Variants in SUPT20H observed in about 807,000 individuals in gnomAD.
The protein encoded by SUPT20H is transcription factor SPT20 homolog.
SUPT20H carries 82 observed loss-of-function variants against 122.8 expected under a neutral mutation model. The ratio of observed to expected loss-of-function variants is 0.67; its 90% CI spans 0.56 to 0.80. The LOEUF (loss-of-function observed/expected upper bound fraction) is 0.80. Ranked by LOEUF, SUPT20H falls within the 30% of genes least tolerant of loss-of-function variation. The pLI is 0.00. For missense variants in SUPT20H, 831 were observed against 921.6 expected, an observed-to-expected ratio of 0.90 and a Z score of 1.27; for synonymous variants, 291 against 313.0, an observed-to-expected ratio of 0.93 and a Z score of 0.74.
At chr13:37,033,169 AAT>A (rs1409773679) in intron 10 of SUPT20H, among the ~76,000 whole-genome samples, 1 of 151,522 alleles carries the variant, frequency 6.6e-6, no homozygotes, top group Non-Finnish European at 1.5e-5. Flanking sequence ...AAAAATATAT[AAT>A]ATGAGACCAT....
intron 21 of SUPT20H, among the ~76,000 whole-genome samples, chr13:37,020,616 C>G (rs1425631521): frequency 6.6e-6 from 1 of 152,124 alleles, no homozygotes; most frequent in African/African-American, 2.4e-5. Context: ...CACACTTATG[C>G]TTATTAAAAT....
chr13:37,049,711 T>C (rs890510723), intron 2 of SUPT20H, among the ~76,000 whole-genome samples: 5 of 152,060 alleles, frequency 3.3e-5, no homozygotes, highest in African/African-American at 1.2e-4. Flanking sequence ...TGTACTACAG[T>C]CTGGGCAAAA....
chr13:37,011,842 T>C (rs1453164266), intron 24 of SUPT20H, among the ~76,000 whole-genome samples: 1 of 152,190 alleles, frequency 6.6e-6, no homozygotes, highest in East Asian at 1.9e-4. Flanking sequence ...TTATGCAATC[T>C]AGAAAAATTC....
chr13:37,040,520 T>C, intron 8 of SUPT20H, 56 bp downstream of exon 8: 1 of 1,589,188 alleles, frequency 6.3e-7, no homozygotes. Flanking sequence ...AAGAATTCGA[T>C]AAATAAAACT....
At chr13:37,025,297 G>A (rs1345227856) in intron 17 of SUPT20H, 23 bp downstream of exon 17, 1 of 1,537,878 alleles carries the variant, frequency 6.5e-7, no homozygotes, top group Non-Finnish European at 9.0e-7. Flanking sequence ...TGGGCACAAA[G>A]AAGTAACATT....
chr13:37,024,265 G>A (rs1281631967), intron 18 of SUPT20H, 72 bp from the exon 19 acceptor site: 4 of 1,524,216 alleles, frequency 2.6e-6, no homozygotes, highest in African/African-American at 2.8e-5. Flanking sequence ...TCAAAATGGG[G>A]CAAAGTTTTA....
chr13:37,035,559 C>T (rs1219132039), intron 9 of SUPT20H, among the ~76,000 whole-genome samples: 1 of 150,460 alleles, frequency 6.6e-6, no homozygotes, highest in Non-Finnish European at 1.5e-5. Flanking sequence ...CTCCCTCTGT[C>T]GCCCAGGCTA....
At position 37,022,388 on chromosome 13, in the gene SUPT20H, G is replaced by C; in HGVS notation, c.1592-308C>G. On this transcript the variant is annotated intron_variant, in intron 19 of 25. Transcript: ENST00000350612. This position sits in a 1 kb window ranked among gnomAD's most constrained non-coding sequence, Gnocchi z 4.5. ...CAGTCCTTTTAAAATAAGGTTAATG[G>C]AATCTTACTTAGCACTGACAATTTG... 1 of 1,331,554 alleles carries C rather than the reference G, an allele frequency of 7.5e-7. No homozygotes were observed. The highest frequency in any genetic ancestry group is 9.6e-7 in the Non-Finnish European group (1 of 1,041,878). The allele number at this position is 1,331,554 out of a possible 1,614,324, so 82.5% of individuals were successfully genotyped here.
intron 12 of SUPT20H, among the ~76,000 whole-genome samples, chr13:37,031,140 A>C (rs1005965857): frequency 6.6e-5 from 10 of 152,134 alleles, no homozygotes; most frequent in African/African-American, 2.4e-4. Flanking sequence ...AGTATTATTA[A>C]TCTTTATTTT....
intron 10 of SUPT20H, among the ~76,000 whole-genome samples, chr13:37,032,602 T>G (rs1166435712): frequency 6.6e-6 from 1 of 152,134 alleles, no homozygotes; most frequent in Non-Finnish European, 1.5e-5. Flanking sequence ...GATGAATTGC[T>G]GGAGGCCTAC....
At chr13:37,021,366 T>C (rs2061438602) in intron 21 of SUPT20H, 82 bp downstream of exon 21, 1 of 1,350,734 alleles carries the variant, frequency 7.4e-7, no homozygotes. Flanking sequence ...TTAAATGCCT[T>C]TAGCATTACT....
chr13:37,058,700 C>T (rs1452740047), intron 1 of SUPT20H, among the ~76,000 whole-genome samples: 1 of 152,140 alleles, frequency 6.6e-6, no homozygotes, highest in Non-Finnish European at 1.5e-5. Flanking sequence ...ACATCACAGA[C>T]CTAGATCAGA....
chr13:37,024,569 C>T, intron 17 of SUPT20H, 127 bp from the exon 18 acceptor site: 1 of 605,446 alleles, frequency 1.7e-6, no homozygotes, highest in Non-Finnish European at 2.6e-6. Flanking sequence ...AGATTTTTAA[C>T]TCTGCAAAGT....
chr13:37,014,901 T>TTA (rs2060176780), intron 23 of SUPT20H, among the ~76,000 whole-genome samples: 1 of 152,106 alleles, frequency 6.6e-6, no homozygotes, highest in Non-Finnish European at 1.5e-5. Context: ...AGTGAAAATA[T>TTA]TAGACAAGCA....
Position 37,009,680 on chromosome 13 carries a change from T to C in SUPT20H, c.2332A>G (p.Lys778Glu), listed in dbSNP as rs748692017. Residue 778 changes from lysine to glutamate, a missense_variant, in exon 26 of 26, where the codon AAA becomes GAA. Lys to Glu is a moderately conservative substitution (Grantham distance 56). Transcript: ENST00000350612. ...AAAAAGTAATGCAAGACTCAAAATTTTGGAGTGGTTGGCGTGCCTCTCTTC... is the reference window on the plus strand; with the variant it reads ...AAAAAGTAATGCAAGACTCAAAATTCTGGAGTGGTTGGCGTGCCTCTCTTC... ...KMKRGTPTTP[K>E]F is the part of the protein sequence containing the mutation. 5 of 1,613,772 alleles carry C rather than the reference T, an allele frequency of 3.1e-6. No individual in the cohort carries two copies. Among genetic ancestry groups the C allele is most frequent in the Non-Finnish European group, 4.2e-6 (5 of 1,179,932 alleles).
chr13:37,029,225 CT>C (rs1214237171), intron 13 of SUPT20H, among the ~76,000 whole-genome samples: 2 of 152,084 alleles, frequency 1.3e-5, no homozygotes, highest in Non-Finnish European at 2.9e-5. Flanking sequence ...AAATGAAGTT[CT>C]TCATTAAAAT....
At position 37,045,393 on chromosome 13, in the gene SUPT20H, A is replaced by G; in HGVS notation, c.166-20T>C. The G allele has an allele frequency of 6.2e-7, 1 of 1,612,102 alleles. No homozygotes were observed. Among genetic ancestry groups the G allele is most frequent in the African/African-American group, 1.3e-5 (1 of 74,956 alleles). ...TAATTTCTGCTTTAAAAAGAGGCAG[A>G]GCTCATGAAAATAATCCAGTATAAC... On this transcript the variant is annotated intron_variant, in intron 5 of 25. Transcript: ENST00000350612.
At position 37,031,773 on chromosome 13, in the gene SUPT20H, T is replaced by C. The variant is rs1199207277; in HGVS notation, c.830A>G (p.Gln277Arg). 1.9e-6 allele frequency: 3 copies of C among 1,607,760 alleles called. No individual in the cohort carries two copies. Among genetic ancestry groups the C allele is most frequent in the African/African-American group, 1.3e-5 (1 of 74,508 alleles). The change falls in exon 11 of 26, where the codon CAG becomes CGG. Residue 277 changes from glutamine (Q) to arginine (R), a missense_variant. By Grantham distance (43) the Gln-to-Arg change is conservative (BLOSUM62 1). Coordinates refer to ENST00000350612, the MANE Select transcript of SUPT20H (RefSeq NM_001014286.3). ...CTTAGAAATTTTGAGGTCATAATGC[T>C]GACCTGCTTTTCTTTCCTTTCTTTT... ...LQKRKERKAG[Q>R]HYDLKISKAG...
intron 10 of SUPT20H, among the ~76,000 whole-genome samples, chr13:37,033,086 C>G (rs945840365): frequency 6.6e-6 from 1 of 151,558 alleles, no homozygotes; most frequent in African/African-American, 2.4e-5. Context: ...AAAGTTTATT[C>G]TTTAAAAGAC....
Sources: gnomAD v4.1 joint callset for allele counts (sites outside exome capture counted in the v4.1 genomes callset) on GRCh38, gnomAD v4.1.1 for gene constraint, Gnocchi (gnomAD v3.1) non-coding constraint, MANE v1.5 for transcripts, NCBI Gene and HGNC (gene_info 2026-07-23, HGNC 2026-07-21) for gene names.